Variants in FBXW2 observed in about 807,000 individuals in gnomAD.
FBXW2 encodes the protein F-box and WD repeat domain containing 2.
FBXW2 carries 12 observed loss-of-function variants against 46.0 expected under a neutral mutation model. The ratio of observed to expected loss-of-function variants is 0.26; its 90% CI spans 0.17 to 0.42. The LOEUF is 0.42. FBXW2 is among the 10% of genes least tolerant of loss of function. FBXW2 has a pLI of 1.00. For synonymous variants in FBXW2, 203 were observed against 209.6 expected (o/e 0.97, Z 0.27); for missense variants, 360 against 537.0 (o/e 0.67, Z 3.26).
In FBXW2 at chr9:120,787,893, A is replaced by C. The variant is rs2044757272; in HGVS notation, c.366T>G (p.Val122=). The stretch of plus-strand genomic sequence containing the variant: ...TCATTCTCAAAATAGCCTTCAAATA[A>C]ACCTTCTTCCAGTGCAAAGCGTCCT... ...SVQDALHWKK[V]YLKAILRMKQ... is the part of the protein sequence containing the mutation. Residue 122 remains valine, a synonymous_variant, in exon 3 of 8, where the codon GTT becomes GTG. Transcript: ENST00000608872. 6.2e-7 allele frequency: 1 copy of C among 1,614,028 alleles called. No homozygotes were observed. The highest frequency in any genetic ancestry group is 1.3e-5 in the African/African-American group (1 of 74,894).
Position 120,764,188 on chromosome 9 carries a change from A to G in FBXW2, c.*371T>C, listed in dbSNP as rs2044234678. The G allele has an allele frequency of 2.5e-6, 1 of 397,698 alleles. No individual in the cohort carries two copies. Among genetic ancestry groups the G allele is most frequent in the African/African-American group, 2.1e-5 (1 of 48,686 alleles). The allele number at this position is 397,698 out of a possible 1,614,324, so 24.6% of individuals were successfully genotyped here. On this transcript the variant is annotated 3_prime_UTR_variant, in exon 8 of 8. Coordinates refer to ENST00000608872, the MANE Select transcript of FBXW2 (RefSeq NM_012164.4). ...AAAAAAGGCTATGGTAAAAAGCTTT[A>G]ATAACAGACAATGTGATTTCATAGG...
chr9:120,789,781 T>C (rs1040555769), intron 2 of FBXW2, among the ~76,000 whole-genome samples: 9 of 152,212 alleles, frequency 5.9e-5, no homozygotes, highest in African/African-American at 2.2e-4. Context: ...AATATCAAAT[T>C]TGGCAATAAC....
chr9:120,792,836 C>T (rs2044878264), intron 2 of FBXW2: 1 of 1,368,694 alleles, frequency 7.3e-7, no homozygotes, highest in Non-Finnish European at 9.8e-7. Context: ...TATTACTTAG[C>T]ATTAATATTG....
intron 5 of FBXW2, among the ~76,000 whole-genome samples, chr9:120,773,633 A>T (rs2044427289): frequency 6.6e-6 from 1 of 152,246 alleles, no homozygotes; most frequent in African/African-American, 2.4e-5. Context: ...AATCAGGCTA[A>T]GGTGAGAGGG....
chr9:120,787,620 G>T (rs958386774), intron 3 of FBXW2, 149 bp downstream of exon 3: 9 of 707,432 alleles, frequency 1.3e-5, no homozygotes, highest in Admixed American at 3.2e-5. Context: ...GAGGATAAGG[G>T]GGGGGAACCA....
intron 5 of FBXW2, 98 bp downstream of exon 5, chr9:120,775,995 T>A: frequency 2.1e-6 from 3 of 1,447,284 alleles, no homozygotes; most frequent in Non-Finnish European, 2.8e-6. Context: ...CAATTCCATC[T>A]TATGACTCAC....
chr9:120,788,038 G>A lies in FBXW2; in HGVS notation c.221C>T (p.Pro74Leu). ...LSFYLLKWLD[P>L]QTLLTCCLVS... ...GAGGCAGCATGTGAGTAAAGTCTGA[G>A]GATCGAGCCATTTTAACAAATAAAA... The change falls in exon 3 of 8, where the codon CCT becomes CTT. Residue 74 changes from proline to leucine, a missense_variant. Coordinates refer to ENST00000608872, the MANE Select transcript of FBXW2 (RefSeq NM_012164.4). 6.2e-7 allele frequency: 1 copy of A among 1,614,186 alleles called. No homozygotes were observed. The highest frequency in any genetic ancestry group is 8.5e-7 in the Non-Finnish European group (1 of 1,180,038).
intron 3 of FBXW2, among the ~76,000 whole-genome samples, chr9:120,785,663 G>T (rs1355962333): frequency 6.6e-6 from 1 of 152,106 alleles, no homozygotes; most frequent in Admixed American, 6.6e-5. Context: ...AGACTCCTGA[G>T]GGAGAAGCAA....
chr9:120,790,889 G>A (rs1315858718), intron 2 of FBXW2, among the ~76,000 whole-genome samples: 1 of 151,996 alleles, frequency 6.6e-6, no homozygotes, highest in Non-Finnish European at 1.5e-5. Context: ...CTTTTTCAGA[G>A]AGCACATCTA....
chr9:120,783,881 A>G (rs1403910817), intron 3 of FBXW2, among the ~76,000 whole-genome samples: 6 of 152,214 alleles, frequency 3.9e-5, no homozygotes, highest in African/African-American at 1.4e-4. Context: ...AAAACTGTCT[A>G]TTGCTTACTC....
chr9:120,793,358 A>G lies in FBXW2; in HGVS notation c.-134T>C, dbSNP rs1457568114. ...GGCCCCGCCTCGCATACAGACCCGGACCTGCGGCCGCTGCTCCCGGTCCGC... is the reference window on the plus strand; with the variant it reads ...GGCCCCGCCTCGCATACAGACCCGGGCCTGCGGCCGCTGCTCCCGGTCCGC... On this transcript the variant is annotated 5_prime_UTR_variant, in exon 1 of 8. Transcript: ENST00000608872. The G allele has an allele frequency of 5.0e-6, 2 of 402,656 alleles. No homozygotes were observed. Among genetic ancestry groups the G allele is most frequent in the Non-Finnish European group, 8.8e-6 (2 of 228,544 alleles). 24.9% of individuals were successfully genotyped at this position (402,656 alleles called of 1,614,324 possible). A position where few individuals can be genotyped will look rare whatever the true frequency, so the allele number is the denominator to read the frequency against.
At chr9:120,781,762 C>G (rs2044619549) in intron 3 of FBXW2, among the ~76,000 whole-genome samples, 1 of 152,022 alleles carries the variant, frequency 6.6e-6, no homozygotes, top group South Asian at 2.1e-4. Flanking sequence ...GTGGCTCACA[C>G]CTGTAATCCC....
intron 3 of FBXW2, among the ~76,000 whole-genome samples, chr9:120,785,891 C>T (rs190673294): frequency 4.7e-4 from 71 of 151,710 alleles, no homozygotes; most frequent in Middle Eastern, 3.4e-3. Context: ...GGTGTGGTGG[C>T]GCACACCTGT....
At position 120,764,834 on chromosome 9, in the gene FBXW2, G is replaced by A. The variant is rs774318149; in HGVS notation, c.1090C>T (p.Pro364Ser). Residue 364 changes from proline (P) to serine (S), a missense_variant, in exon 8 of 8, where the codon CCT becomes TCT. Physicochemically the swap from Pro to Ser is moderately conservative, Grantham distance 74 (BLOSUM62 -1). Coordinates refer to ENST00000608872, the MANE Select transcript of FBXW2 (RefSeq NM_012164.4). ...AGCAAGGCCAAGTTTGCTATCTCAGGAGTCTTGATGACCCTACAAGGATGA... is the reference window on the plus strand; with the variant it reads ...AGCAAGGCCAAGTTTGCTATCTCAGAAGTCTTGATGACCCTACAAGGATGA... ...SYDILRVIKTPEIANLALLGF... is the reference protein window; with the variant it reads ...SYDILRVIKTSEIANLALLGF... 1 of 1,585,244 alleles carries A rather than the reference G, an allele frequency of 6.3e-7. No homozygotes were observed. The highest frequency in any genetic ancestry group is 2.2e-5 in the East Asian group (1 of 44,672).
intron 2 of FBXW2, among the ~76,000 whole-genome samples, chr9:120,791,924 A>C (rs1227145727): frequency 1.3e-5 from 2 of 152,128 alleles, no homozygotes; most frequent in African/African-American, 4.8e-5. Context: ...AGACTCCTAA[A>C]TTGGAAAATG....
At chr9:120,769,012 G>C (rs890648966) in intron 7 of FBXW2, among the ~76,000 whole-genome samples, 1 of 152,218 alleles carries the variant, frequency 6.6e-6, no homozygotes, top group Non-Finnish European at 1.5e-5. Flanking sequence ...GGTCTTGACA[G>C]GTTTGTGGCT....
At position 120,793,314 on chromosome 9, in the gene FBXW2, A is replaced by G. The variant is rs578198704; in HGVS notation, c.-130+40T>C. On this transcript the variant is annotated intron_variant, in intron 1 of 7. Coordinates refer to ENST00000608872, the MANE Select transcript of FBXW2 (RefSeq NM_012164.4). ...CGGGTCAGCAGAGCCGCGGGCGCCT[A>G]AGAGTCCCCTCCCCGACCGGCCCCG... The G allele has an allele frequency of 4.0e-4, 175 of 437,642 alleles. 3 individuals carry two copies. Among genetic ancestry groups the G allele is most frequent in the African/African-American group, 3.1e-3 (153 of 48,968 alleles). 27.1% of individuals were successfully genotyped at this position (437,642 alleles called of 1,614,324 possible). A position where few individuals can be genotyped will look rare whatever the true frequency, so the allele number is the denominator to read the frequency against.
chr9:120,774,226 A>T (rs1262822779), intron 5 of FBXW2, among the ~76,000 whole-genome samples: 1 of 150,536 alleles, frequency 6.6e-6, no homozygotes, highest in Non-Finnish European at 1.5e-5. Context: ...AATCCCAGCT[A>T]CTCTGGAGGC....
At chr9:120,792,092 C>G (rs10985039) in intron 2 of FBXW2, among the ~76,000 whole-genome samples, 3 of 152,156 alleles carry the variant, frequency 2.0e-5, no homozygotes, top group African/African-American at 7.2e-5. Flanking sequence ...CCGCCCTTAA[C>G]TAACATTAAT....
Sources: gnomAD v4.1 joint callset for allele counts (sites outside exome capture counted in the v4.1 genomes callset) on GRCh38, gnomAD v4.1.1 for gene constraint, MANE v1.5 for transcripts, NCBI Gene and HGNC (gene_info 2026-07-23, HGNC 2026-07-21) for gene names.